The following SCOC variants were observed in gnomAD, a reference collection of about 807,000 sequenced individuals.
SCOC encodes short coiled coil protein.
A neutral mutation model predicts 9.9 loss-of-function variants in SCOC; 7 were observed. The ratio of observed to expected loss-of-function variants is 0.71; its 90% CI spans 0.40 to 1.33. SCOC has a LOEUF of 1.33. Among genes scored for constraint, SCOC ranks in the 40% most tolerant of loss-of-function variants. The pLI is 0.01. For synonymous variants in SCOC, 19 were observed against 28.2 expected (o/e 0.67, Z 1.03); for missense variants, 66 against 89.7 (o/e 0.74, Z 1.07).
At chr4:140,290,741 AG>A (rs1442931813) in intron 1 of SCOC, among the ~76,000 whole-genome samples, 2 of 152,198 alleles carry the variant, frequency 1.3e-5, no homozygotes, top group Non-Finnish European at 2.9e-5. Context: ...TGAACCCAGG[AG>A]GTGAAGGTTG....
intron 1 of SCOC, among the ~76,000 whole-genome samples, chr4:140,312,916 T>C (rs796896496): frequency 7.2e-5 from 11 of 152,354 alleles, no homozygotes; most frequent in African/African-American, 2.6e-4. Context: ...TTACAACCTA[T>C]AGACCTATCA....
intron 1 of SCOC, 96 bp from the exon 2 acceptor site, chr4:140,379,025 T>A: frequency 1.3e-6 from 1 of 765,996 alleles, no homozygotes; most frequent in Non-Finnish European, 2.3e-6. Context: ...TGAAAAGTCC[T>A]ACTATGTCAT....
chr4:140,309,612 T>C (rs1179340669), intron 1 of SCOC, among the ~76,000 whole-genome samples: 2 of 152,200 alleles, frequency 1.3e-5, no homozygotes, highest in Non-Finnish European at 2.9e-5. Context: ...CAAATAGATA[T>C]ATCCAAATAA....
chr4:140,326,709 A>C (rs540536278), intron 1 of SCOC, among the ~76,000 whole-genome samples: 1 of 152,240 alleles, frequency 6.6e-6, no homozygotes, highest in East Asian at 1.9e-4. Context: ...AAAGTCTTTT[A>C]TTATCTTGTT....
chr4:140,379,078 T>C (rs1478351167), intron 1 of SCOC, 43 bp from the exon 2 acceptor site: 2 of 1,165,756 alleles, frequency 1.7e-6, no homozygotes, highest in Non-Finnish European at 1.3e-6. Context: ...GCTTATAGTT[T>C]ATTGCTGTAT....
intron 1 of SCOC, among the ~76,000 whole-genome samples, chr4:140,338,420 T>G (rs1733021139): frequency 6.6e-6 from 1 of 152,216 alleles, no homozygotes; most frequent in Non-Finnish European, 1.5e-5. Context: ...ACCATTGCTA[T>G]TCAACATAGT....
rs1726587406 is a variant in SCOC, at chr4:140,343,573, C to CA, written c.-18-47dup. On this transcript the variant is annotated intron_variant, in intron 1 of 4. Transcript: ENST00000338517. ...ATTAATGATTTAACAAGGGCGGTCACATGGGACAACTGCTGCTTTTCTCTG... is the reference window on the plus strand; with the variant it reads ...ATTAATGATTTAACAAGGGCGGTCACAATGGGACAACTGCTGCTTTTCTCTG... 19 of 1,274,018 alleles carry CA rather than the reference C, an allele frequency of 1.5e-5. No homozygotes were observed. The South Asian group carries it at 2.3e-4, about 16-fold the overall frequency. 78.9% of individuals were successfully genotyped at this position (1,274,018 alleles called of 1,614,324 possible). A position where few individuals can be genotyped will look rare whatever the true frequency, so the allele number is the denominator to read the frequency against.
At chr4:140,361,589 G>A (rs909258126) in intron 2 of SCOC, among the ~76,000 whole-genome samples, 1 of 152,164 alleles carries the variant, frequency 6.6e-6, no homozygotes, top group African/African-American at 2.4e-5. Flanking sequence ...AGCCCAGGAA[G>A]TTGAGGCTGC....
At chr4:140,321,182 C>T (rs538979914) in intron 1 of SCOC, among the ~76,000 whole-genome samples, 10 of 152,174 alleles carry the variant, frequency 6.6e-5, no homozygotes, top group Non-Finnish European at 8.8e-5. Context: ...ACACAAATTC[C>T]CACATTAAAA....
At chr4:140,378,926 A>G (rs1035513503) in intron 1 of SCOC, among the ~76,000 whole-genome samples, 195 bp from the exon 2 acceptor site, 17 of 152,048 alleles carry the variant, frequency 1.1e-4, no homozygotes, top group Non-Finnish European at 4.4e-5. Flanking sequence ...GTATTTTTTG[A>G]TTATCAAGAA....
At chr4:140,285,086 G>T in intron 1 of SCOC, 1 of 439,196 alleles carries the variant, frequency 2.3e-6, no homozygotes, top group South Asian at 1.6e-5. Context: ...CACAACAACA[G>T]ATGAGGAAAC....
rs1192777700 is a variant in SCOC, at chr4:140,379,644, C to A, written c.98C>A (p.Thr33Lys). The A allele has an allele frequency of 6.2e-7, 1 of 1,606,916 alleles. No individual in the cohort carries two copies. The highest frequency in any genetic ancestry group is 1.3e-5 in the African/African-American group (1 of 74,658). The change falls in exon 3 of 4, where the codon ACA (threonine) becomes AAA (lysine). Residue 33 changes from threonine to lysine, a missense_variant. Physicochemically the swap from Thr to Lys is moderately conservative, Grantham distance 78. Coordinates refer to ENST00000608372, the MANE Select transcript of SCOC (RefSeq NM_001153484.2). Reference sequence around the variant, plus strand: ...AATCAAGTGTTGGAACTCCAACACACACTTGAAGGTTGGCTTGCATTTTGT... The same window carrying A: ...AATCAAGTGTTGGAACTCCAACACAAACTTGAAGGTTGGCTTGCATTTTGT... ...LINQVLELQH[T>K]LEDLSARVDA...
At chr4:140,306,694 C>T (rs1229940705) in intron 1 of SCOC, among the ~76,000 whole-genome samples, 1 of 152,132 alleles carries the variant, frequency 6.6e-6, no homozygotes, top group Non-Finnish European at 1.5e-5. Flanking sequence ...TTTCTTTCCC[C>T]TGCCCTCTAA....
chr4:140,351,404 C>T (rs538346530), intron 2 of SCOC, among the ~76,000 whole-genome samples: 1 of 152,194 alleles, frequency 6.6e-6, no homozygotes, highest in African/African-American at 2.4e-5. Context: ...CTCTTCATGC[C>T]GGCCCTCGCC....
chr4:140,350,002 C>G (rs1009848020), intron 2 of SCOC, among the ~76,000 whole-genome samples: 3 of 152,204 alleles, frequency 2.0e-5, no homozygotes, highest in Admixed American at 6.5e-5. Flanking sequence ...CCTGCCACAC[C>G]ATTTGAGCTC....
At chr4:140,354,165 G>C (rs1727106074) in intron 2 of SCOC, among the ~76,000 whole-genome samples, 1 of 152,154 alleles carries the variant, frequency 6.6e-6, no homozygotes, top group African/African-American at 2.4e-5. Flanking sequence ...GTGGTTAGGA[G>C]GTTAGCTTCC....
At chr4:140,325,515 ACAAACGGG>A (rs1732619437) in intron 1 of SCOC, among the ~76,000 whole-genome samples, 1 of 152,186 alleles carries the variant, frequency 6.6e-6, no homozygotes, top group Non-Finnish European at 1.5e-5. Flanking sequence ...ACCCAATCTT[ACAAACGGG>A]CAAAATATCT....
chr4:140,366,619 T>C (rs1179121122), intron 2 of SCOC: 4 of 1,606,856 alleles, frequency 2.5e-6, no homozygotes, highest in Admixed American at 1.7e-5. Flanking sequence ...TGTATTGATG[T>C]TTGCCTTCTG....
At chr4:140,296,851 C>T (rs1731654672) in intron 1 of SCOC, among the ~76,000 whole-genome samples, 1 of 152,024 alleles carries the variant, frequency 6.6e-6, no homozygotes, top group South Asian at 2.1e-4. Context: ...TTAACAGTAT[C>T]TTTCTGTGGC....
Sources: allele counts gnomAD v4.1 joint callset (sites outside exome capture counted in the v4.1 genomes callset), GRCh38; gene constraint gnomAD v4.1.1; transcripts MANE v1.5; gene names NCBI Gene and HGNC (gene_info 2026-07-23, HGNC 2026-07-21).